Variants in PTPRD observed in about 807,000 individuals in gnomAD.
PTPRD encodes receptor-type tyrosine-protein phosphatase delta.
A neutral mutation model predicts 214.5 loss-of-function variants in PTPRD; 34 were observed. The observed-to-expected ratio is 0.16, with a 90% confidence interval of 0.12 to 0.21. The LOEUF is 0.21. Among genes scored for constraint, PTPRD ranks in the 10% least tolerant of loss-of-function variants. The probability of loss-of-function intolerance (pLI) is 1.00; values close to 1 mark genes in which losing one functional copy is unlikely to be tolerated. For missense variants in PTPRD, 2,545 were observed against 2,398.7 expected, an observed-to-expected ratio of 1.06 and a Z score of -1.27; for synonymous variants, 1,128 against 845.7, an observed-to-expected ratio of 1.33 and a Z score of -5.79.
chr9:8,474,824 A>G (rs553794810), intron 30 of PTPRD, among the ~76,000 whole-genome samples: 2 of 151,960 alleles, frequency 1.3e-5, no homozygotes, highest in East Asian at 3.9e-4. Flanking sequence ...CAAACCACAC[A>G]TTTTCTTTTG....
intron 3 of PTPRD, among the ~76,000 whole-genome samples, chr9:10,306,059 T>G (rs963754171): frequency 6.6e-6 from 1 of 152,124 alleles, no homozygotes; most frequent in Non-Finnish European, 1.5e-5. Flanking sequence ...AAAGAAAATG[T>G]GGCACATATA....
At chr9:8,460,651 A>G (rs2134170513) in intron 32 of PTPRD, 80 bp from the exon 33 acceptor site, 1 of 1,390,518 alleles carries the variant, frequency 7.2e-7, no homozygotes, top group East Asian at 2.4e-5. Context: ...AGAAGCAAAA[A>G]ATCCAGGAAA....
At chr9:9,327,704 G>C (rs2040547211) in intron 9 of PTPRD, among the ~76,000 whole-genome samples, 1 of 152,004 alleles carries the variant, frequency 6.6e-6, no homozygotes, top group Admixed American at 6.6e-5. Flanking sequence ...GTAATTCAAG[G>C]ATAGAGCTCA....
chr9:10,561,833 A>G (rs2064054365), intron 2 of PTPRD, among the ~76,000 whole-genome samples: 1 of 152,116 alleles, frequency 6.6e-6, no homozygotes, highest in South Asian at 2.1e-4. Flanking sequence ...TTTAATATTA[A>G]TATCTCCCCC....
intron 9 of PTPRD, among the ~76,000 whole-genome samples, chr9:9,218,157 C>T (rs10977588): frequency 0.14 from 21,417 of 152,130 alleles, 1,707 homozygotes; most frequent in Non-Finnish European, 0.17. Flanking sequence ...TTGGGAATTG[C>T]TTCTTTCGTT....
intron 3 of PTPRD, among the ~76,000 whole-genome samples, chr9:10,242,612 T>TA (rs999058626): frequency 1.3e-5 from 2 of 151,176 alleles, no homozygotes; most frequent in African/African-American, 4.9e-5. Flanking sequence ...TGAATACATT[T>TA]TTTTTTTTTT....
In PTPRD at chr9:8,398,355, G is replaced by A. The variant is rs180786940; in HGVS notation, c.4210+6182C>T. Among the ~76,000 whole-genome samples, 237 of 152,220 alleles carry A rather than the reference G, an allele frequency of 1.6e-3. 1 individual carries two copies. The highest frequency in any genetic ancestry group is 4.8e-3 in the African/African-American group (198 of 41,540). On this transcript the variant is annotated intron_variant, in intron 36 of 45. Transcript: ENST00000381196. ...AGCAAGCTCTGCAGAAGCAAGCAGA[G>A]CTTCGGATGCGTTATCAGGAAAGAG...
chr9:9,003,504 G>C (rs191211665), intron 11 of PTPRD, among the ~76,000 whole-genome samples: 2 of 152,142 alleles, frequency 1.3e-5, no homozygotes, highest in African/African-American at 2.4e-5. Context: ...TCCAAGAGAG[G>C]TGAGCTAAGA....
In PTPRD at chr9:8,743,286, A is replaced by G. The variant is rs183944564; in HGVS notation, c.-103-9340T>C. Reference sequence around the variant, plus strand: ...TTAGAACCAAAGTTGGCTTGCCTTAAAAGTTTAGTTCACAGGCTTAGGCAG... The same window carrying G: ...TTAGAACCAAAGTTGGCTTGCCTTAGAAGTTTAGTTCACAGGCTTAGGCAG... On this transcript the variant is annotated intron_variant, in intron 11 of 45. Coordinates refer to ENST00000381196, the MANE Select transcript of PTPRD (RefSeq NM_002839.4). Among the ~76,000 whole-genome samples the G allele has an allele frequency of 9.2e-5, 14 of 152,294 alleles. No individual in the cohort carries two copies. The East Asian group carries it at 2.1e-3, about 23-fold the overall frequency.
At chr9:9,988,949 T>C (rs1361520577) in intron 4 of PTPRD, among the ~76,000 whole-genome samples, 1 of 139,294 alleles carries the variant, frequency 7.2e-6, no homozygotes, top group African/African-American at 2.7e-5. Context: ...GACCAATGAC[T>C]GTACAACATA....
At chr9:9,993,538 GCCAAAGTAGGAAAA>G (rs1329797829) in intron 4 of PTPRD, among the ~76,000 whole-genome samples, 1 of 152,136 alleles carries the variant, frequency 6.6e-6, no homozygotes, top group Non-Finnish European at 1.5e-5. Flanking sequence ...AGTTGAGGAT[GCCAAAGTAGGAAAA>G]ATACATTTTA....
At chr9:9,831,035 C>T (rs546829393) in intron 5 of PTPRD, among the ~76,000 whole-genome samples, 2 of 151,940 alleles carry the variant, frequency 1.3e-5, no homozygotes, top group South Asian at 2.1e-4. Flanking sequence ...TCCTAAATTG[C>T]ATGCATTTTA....
intron 10 of PTPRD, among the ~76,000 whole-genome samples, chr9:9,138,740 C>T (rs2099855058): frequency 6.6e-6 from 1 of 152,018 alleles, no homozygotes; most frequent in East Asian, 1.9e-4. Flanking sequence ...CTAAACAGTT[C>T]TGTATTTTAA....
chr9:9,708,626 G>T (rs1257072006), intron 7 of PTPRD, among the ~76,000 whole-genome samples: 1 of 151,862 alleles, frequency 6.6e-6, no homozygotes. Flanking sequence ...GGTTTTCCTA[G>T]TGTAGAGACA....
At chr9:8,397,415 C>G (rs2091444299) in intron 36 of PTPRD, among the ~76,000 whole-genome samples, 1 of 152,114 alleles carries the variant, frequency 6.6e-6, no homozygotes, top group Non-Finnish European at 1.5e-5. Context: ...AACTAACATT[C>G]CATTAGAAAA....
intron 3 of PTPRD, among the ~76,000 whole-genome samples, chr9:10,226,621 G>T (rs932102646): frequency 5.9e-5 from 9 of 151,964 alleles, no homozygotes; most frequent in Non-Finnish European, 1.2e-4. Flanking sequence ...GAACCAAACC[G>T]CATTAAATCT....
At chr9:9,928,179 C>G (rs545553001) in intron 5 of PTPRD, among the ~76,000 whole-genome samples, 1 of 152,056 alleles carries the variant, frequency 6.6e-6, no homozygotes, top group Non-Finnish European at 1.5e-5. Flanking sequence ...ACTTTTGTTG[C>G]TGCATGATGT....
chr9:9,378,796 C>T lies in PTPRD; in HGVS notation c.-203+18653G>A, dbSNP rs142045516. Among the ~76,000 whole-genome samples, 238 of 152,110 alleles carry T rather than the reference C, an allele frequency of 1.6e-3. 1 individual carries two copies. Among genetic ancestry groups the T allele is most frequent in the African/African-American group, 5.4e-3 (226 of 41,536 alleles). ...AATCACCTTTTCATATGCTTAATTG[C>T]CATCTGTATATCTTCTTTGCTGATG... On this transcript the variant is annotated intron_variant, in intron 9 of 45. Coordinates refer to ENST00000381196, the MANE Select transcript of PTPRD (RefSeq NM_002839.4).
intron 2 of PTPRD, among the ~76,000 whole-genome samples, chr9:10,344,595 G>T (rs1263835642): frequency 6.6e-6 from 1 of 152,056 alleles, no homozygotes; most frequent in Non-Finnish European, 1.5e-5. Flanking sequence ...GATGAGGATG[G>T]CATTGAATCT....
Sources: allele counts gnomAD v4.1 joint callset (sites outside exome capture counted in the v4.1 genomes callset), GRCh38; gene constraint gnomAD v4.1.1; transcripts MANE v1.5; gene names NCBI Gene and HGNC (gene_info 2026-07-23, HGNC 2026-07-21).